Variants in SLC4A4 observed in about 807,000 individuals in gnomAD.
The protein encoded by SLC4A4 is electrogenic sodium bicarbonate cotransporter 1.
A neutral mutation model predicts 111.5 loss-of-function variants in SLC4A4; 27 were observed. The observed-to-expected ratio is 0.24, with a 90% CI of 0.18 to 0.33. The LOEUF is 0.33. Among genes scored for constraint, SLC4A4 ranks in the 10% least tolerant of loss-of-function variants. The pLI, the probability that SLC4A4 is intolerant of heterozygous loss-of-function variation, is 1.00. For missense variants in SLC4A4, 909 were observed against 1,315.5 expected (o/e 0.69, Z 4.78); for synonymous variants, 443 against 463.4 (o/e 0.96, Z 0.57).
intron 16 of SLC4A4, among the ~76,000 whole-genome samples, chr4:71,517,043 T>TTTTTGTCAATTTCATTATATC (rs1732469916): frequency 2.6e-5 from 4 of 152,264 alleles, no homozygotes; most frequent in African/African-American, 9.6e-5. Context: ...TGTATTATAT[T>TTTTTGTCAATTTCATTATATC]TTTTGTCAAT....
chr4:71,288,565 A>G (rs760253763), intron 3 of SLC4A4, among the ~76,000 whole-genome samples: 2 of 151,812 alleles, frequency 1.3e-5, no homozygotes, highest in Non-Finnish European at 2.9e-5. Context: ...TGCCTGCCTA[A>G]TTTTTGTGTT....
At position 71,447,983 on chromosome 4, in the gene SLC4A4, A is replaced by G. The variant is rs1372556373; in HGVS notation, c.1053+250A>G. Among the ~76,000 whole-genome samples, 4 of 152,174 alleles carry G rather than the reference A, an allele frequency of 2.6e-5. No individual in the cohort carries two copies. The East Asian group carries it at 7.7e-4, about 29-fold the overall frequency. The stretch of plus-strand genomic sequence containing the variant: ...CATATTTTCCTTTCTTTTACCAAAC[A>G]TTTTCATTTCTTAAAACTGATATAT... On this transcript the variant is annotated intron_variant, in intron 9 of 25. Coordinates refer to ENST00000264485, the MANE Select transcript of SLC4A4 (RefSeq NM_001098484.3).
At chr4:71,291,755 A>C (rs999936903) in intron 3 of SLC4A4, among the ~76,000 whole-genome samples, 2 of 152,248 alleles carry the variant, frequency 1.3e-5, no homozygotes, top group Non-Finnish European at 2.9e-5. Flanking sequence ...TATTACTAAT[A>C]AATTAAAAAA....
intron 3 of SLC4A4, among the ~76,000 whole-genome samples, chr4:71,266,566 T>C (rs1250825711): frequency 6.6e-6 from 1 of 152,224 alleles, no homozygotes; most frequent in Non-Finnish European, 1.5e-5. Context: ...ACTTTTACTC[T>C]TTTCTCCATG....
intron 1 of SLC4A4, among the ~76,000 whole-genome samples, chr4:71,074,149 A>C (rs1372207857): frequency 6.6e-6 from 1 of 152,214 alleles, no homozygotes; most frequent in African/African-American, 2.4e-5. Flanking sequence ...GGAACTTTAA[A>C]AAGTTTAGTG....
chr4:71,180,396 C>T (rs1332652249), intron 2 of SLC4A4, among the ~76,000 whole-genome samples: 4 of 152,126 alleles, frequency 2.6e-5, no homozygotes, highest in African/African-American at 9.7e-5. Context: ...AAAGAAACTA[C>T]CATCAGAGTG....
chr4:71,564,330 T>C (rs1390754350), intron 24 of SLC4A4, among the ~76,000 whole-genome samples: 2 of 151,836 alleles, frequency 1.3e-5, no homozygotes, highest in East Asian at 1.9e-4. Flanking sequence ...ATTGTTAATA[T>C]TGAGAATTTG....
intron 14 of SLC4A4, among the ~76,000 whole-genome samples, chr4:71,485,928 T>C (rs891276379): frequency 6.6e-6 from 1 of 151,548 alleles, no homozygotes; most frequent in African/African-American, 2.4e-5. Context: ...CTTATGGATC[T>C]CATACTCTAA....
At chr4:71,276,490 A>G (rs1553972449) in intron 3 of SLC4A4, among the ~76,000 whole-genome samples, 1 of 151,794 alleles carries the variant, frequency 6.6e-6, no homozygotes, top group Non-Finnish European at 1.5e-5. Context: ...GCAACTACCA[A>G]TCTGTTTTCC....
chr4:71,214,281 C>T (rs17747409), intron 1 of SLC4A4, among the ~76,000 whole-genome samples: 13,447 of 152,076 alleles, frequency 0.088, 854 homozygotes, highest in Non-Finnish European at 0.14. Flanking sequence ...TGGCTAATGG[C>T]CCTGTAGGGA....
At chr4:71,462,564 A>G (rs1317643482) in intron 12 of SLC4A4, among the ~76,000 whole-genome samples, 1 of 151,814 alleles carries the variant, frequency 6.6e-6, no homozygotes, top group East Asian at 1.9e-4. Context: ...GTGCACCACC[A>G]TGCCTGGCTA....
chr4:71,163,461 G>A (rs762262492), intron 2 of SLC4A4, among the ~76,000 whole-genome samples: 4 of 152,156 alleles, frequency 2.6e-5, no homozygotes, highest in South Asian at 2.1e-4. Context: ...ATGTCACAGA[G>A]CAGTTTTGTT....
At chr4:71,207,549 A>G (rs2579306) in intron 1 of SLC4A4, among the ~76,000 whole-genome samples, 24,348 of 152,226 alleles carry the variant, frequency 0.16, 3,182 homozygotes, top group African/African-American at 0.33. Flanking sequence ...AAATGAAGTC[A>G]CTTGACTATG....
chr4:71,107,139 A>G (rs564393087), intron 2 of SLC4A4, among the ~76,000 whole-genome samples: 5 of 151,868 alleles, frequency 3.3e-5, no homozygotes, highest in Non-Finnish European at 7.4e-5. Flanking sequence ...TATCTTGTAG[A>G]TAGCATATAG....
intron 2 of SLC4A4, among the ~76,000 whole-genome samples, chr4:71,151,621 G>A (rs935321200): frequency 5.3e-5 from 8 of 151,188 alleles, no homozygotes; most frequent in South Asian, 2.1e-4. Context: ...ATTTTTATAC[G>A]TAAAAAATAT....
chr4:71,442,319 G>A (rs1724806138), intron 8 of SLC4A4, among the ~76,000 whole-genome samples: 1 of 152,098 alleles, frequency 6.6e-6, no homozygotes, highest in African/African-American at 2.4e-5. Flanking sequence ...GTAAAATACA[G>A]CATCACTTAA....
chr4:71,077,776 G>A (rs1741881626), intron 1 of SLC4A4, among the ~76,000 whole-genome samples: 1 of 152,160 alleles, frequency 6.6e-6, no homozygotes, highest in African/African-American at 2.4e-5. Flanking sequence ...GAATTTGAAA[G>A]CAAGATTTGC....
intron 3 of SLC4A4, among the ~76,000 whole-genome samples, chr4:71,288,476 G>T (rs1724087522): frequency 6.6e-6 from 1 of 151,796 alleles, no homozygotes; most frequent in Non-Finnish European, 1.5e-5. Context: ...TCGGCTCACT[G>T]CAACCTCCAC....
chr4:71,456,786 A>G (rs1166484097), intron 12 of SLC4A4, among the ~76,000 whole-genome samples: 3 of 152,202 alleles, frequency 2.0e-5, no homozygotes, highest in Non-Finnish European at 4.4e-5. Flanking sequence ...AAGAGATACC[A>G]GTAGTGGGGT....
Sources: allele counts gnomAD v4.1 joint callset (sites outside exome capture counted in the v4.1 genomes callset), GRCh38; gene constraint gnomAD v4.1.1; transcripts MANE v1.5; gene names NCBI Gene and HGNC (gene_info 2026-07-23, HGNC 2026-07-21).